TENM1: variants seen among roughly 807,000 people sequenced by gnomAD.
TENM1 encodes teneurin transmembrane protein 1.
TENM1 carries 35 observed loss-of-function variants against 174.8 expected under a neutral mutation model. The ratio of observed to expected loss-of-function variants is 0.20; its 90% CI spans 0.15 to 0.27. The LOEUF is 0.27. TENM1 is among the 10% of genes least tolerant of loss of function. TENM1 has a pLI of 1.00. For synonymous variants in TENM1, 781 were observed against 798.7 expected (o/e 0.98, Z 0.37); for missense variants, 1,633 against 2,130.1 (o/e 0.77, Z 4.59).
the TENM1 span, among the ~76,000 whole-genome samples, chrX:125,182,884 T>TA: frequency 9.0e-6 from 1 of 111,660 alleles, no homozygotes; most frequent in African/African-American, 3.3e-5. Context: ...AATCTACTGC[T>TA]AAAAAAGAGG....
intron 5 of TENM1, among the ~76,000 whole-genome samples, chrX:124,678,984 A>G (rs1225082252): frequency 8.9e-6 from 1 of 111,924 alleles, no homozygotes. Context: ...CCTTGAAATT[A>G]TAAGACTTTT....
At chrX:124,498,956 A>G (rs990563905) in intron 19 of TENM1, among the ~76,000 whole-genome samples, 8 of 110,881 alleles carry the variant, frequency 7.2e-5, no homozygotes, top group Admixed American at 1.9e-4. Context: ...CTAAATTCCA[A>G]TGATTTTGCA....
At chrX:124,432,039 A>G (rs1212881494) in intron 23 of TENM1, among the ~76,000 whole-genome samples, 1 of 112,332 alleles carries the variant, frequency 8.9e-6, no homozygotes, top group East Asian at 2.8e-4. Context: ...ATCTCTCCCA[A>G]TGTTCCTAAA....
the TENM1 span, among the ~76,000 whole-genome samples, chrX:125,122,870 T>C: frequency 3.2e-4 from 36 of 111,621 alleles, 1 homozygote; most frequent in African/African-American, 1.1e-3. Context: ...TAGGGTTAAG[T>C]TTTTTCTGTT....
chrX:124,379,592 C>T (rs1311014592), exon 32 of TENM1: 2 of 111,739 alleles, frequency 1.8e-5, no homozygotes, highest in Non-Finnish European at 3.8e-5. Flanking sequence ...CTGCTAAAGC[C>T]TTTGTTTGTT....
the TENM1 span, among the ~76,000 whole-genome samples, chrX:125,073,109 T>A: frequency 9.0e-6 from 1 of 111,417 alleles, no homozygotes; most frequent in African/African-American, 3.3e-5. Context: ...ATGTTGTATG[T>A]TATTAATCCT....
At chrX:125,159,780 A>C in the TENM1 span, among the ~76,000 whole-genome samples, 31 of 112,231 alleles carry the variant, frequency 2.8e-4, no homozygotes, top group Non-Finnish European at 5.6e-4. Context: ...AGAATGTTAG[A>C]GTCAGCTTCT....
At chrX:124,619,274 T>C (rs934563868) in intron 11 of TENM1, among the ~76,000 whole-genome samples, 1 of 112,022 alleles carries the variant, frequency 8.9e-6, no homozygotes, top group Non-Finnish European at 1.9e-5. Context: ...TACTTTTTAA[T>C]ACATTTACAT....
chrX:124,930,356 G>C (rs944100936), intron 1 of TENM1, among the ~76,000 whole-genome samples: 1 of 111,700 alleles, frequency 9.0e-6, no homozygotes, highest in Non-Finnish European at 1.9e-5. Flanking sequence ...CAACTTTTCT[G>C]CACGGTGCAT....
At chrX:125,189,021 T>A in the TENM1 span, among the ~76,000 whole-genome samples, 1 of 112,412 alleles carries the variant, frequency 8.9e-6, no homozygotes, top group African/African-American at 3.2e-5. Context: ...TCAGGCTGAT[T>A]CTGCAAGGAG....
intron 25 of TENM1, among the ~76,000 whole-genome samples, chrX:124,418,933 G>C (rs36018734): frequency 9.0e-6 from 1 of 111,624 alleles, no homozygotes; most frequent in African/African-American, 3.3e-5. Flanking sequence ...ATGTGAATCA[G>C]GACAAGTTAA....
chrX:124,647,573 C>G (rs1273441016), intron 8 of TENM1, among the ~76,000 whole-genome samples: 1 of 111,451 alleles, frequency 9.0e-6, no homozygotes, highest in East Asian at 2.8e-4. Flanking sequence ...AGTAACTTCT[C>G]TGAAAATCTA....
At chrX:125,153,163 G>A in the TENM1 span, among the ~76,000 whole-genome samples, 1 of 111,847 alleles carries the variant, frequency 8.9e-6, no homozygotes, top group African/African-American at 3.3e-5. Context: ...CCATCAGAAT[G>A]TCCTTAAGAC....
At chrX:124,712,337 A>T (rs1184095614) in intron 4 of TENM1, among the ~76,000 whole-genome samples, 2 of 110,217 alleles carry the variant, frequency 1.8e-5, no homozygotes, top group Non-Finnish European at 3.8e-5. Context: ...ATTTCTCCAC[A>T]TCCTCACCAA....
the TENM1 span, among the ~76,000 whole-genome samples, chrX:125,102,159 T>C: frequency 2.3e-3 from 259 of 110,972 alleles, no homozygotes; most frequent in Middle Eastern, 0.014. Context: ...TGTCACAGAA[T>C]TTCTGTAAGC....
intron 21 of TENM1, 142 bp from the exon 25 acceptor site, chrX:124,482,106 T>C (rs1569534078): frequency 2.4e-6 from 1 of 408,854 alleles, no homozygotes; most frequent in Non-Finnish European, 4.3e-6. Flanking sequence ...AGGAGATGGA[T>C]ACTTCTCTGT....
At chrX:124,866,769 A>C (rs372718684) in intron 3 of TENM1, among the ~76,000 whole-genome samples, 2 of 111,746 alleles carry the variant, frequency 1.8e-5, no homozygotes, top group African/African-American at 6.5e-5. Flanking sequence ...CAAAGAAAAA[A>C]AGAGAGACGA....
chrX:124,764,552 C>T (rs1035021037), intron 3 of TENM1, among the ~76,000 whole-genome samples: 3 of 110,842 alleles, frequency 2.7e-5, no homozygotes, highest in African/African-American at 9.9e-5. Context: ...TATCAATCCA[C>T]ACACTGCCTA....
chrX:124,586,929 C>T (rs1312585124), intron 11 of TENM1, among the ~76,000 whole-genome samples: 18 of 110,269 alleles, frequency 1.6e-4, no homozygotes, highest in Non-Finnish European at 3.0e-4. Flanking sequence ...GAGTGAACTC[C>T]CATTCACAAT....
Sources: allele counts gnomAD v4.1 joint callset (sites outside exome capture counted in the v4.1 genomes callset), GRCh38; gene constraint gnomAD v4.1.1; transcripts MANE v1.5; gene names NCBI Gene and HGNC (gene_info 2026-07-23, HGNC 2026-07-21).